Variants in SDK1 observed in about 807,000 individuals in gnomAD.
SDK1 encodes sidekick cell adhesion molecule 1, also known as protein sidekick-1.
A neutral mutation model predicts 245.5 loss-of-function variants in SDK1; 157 were observed. The ratio of observed to expected loss-of-function variants is 0.64; its 90% CI spans 0.56 to 0.73. SDK1 has a LOEUF of 0.73. SDK1 is among the 30% of genes least tolerant of loss of function. The pLI, the probability that SDK1 is intolerant of heterozygous loss-of-function variation, is 0.00. For missense variants in SDK1, 3,583 were observed against 3,002.3 expected, an observed-to-expected ratio of 1.19 and a Z score of -4.52; for synonymous variants, 1,647 against 1,278.5, an observed-to-expected ratio of 1.29 and a Z score of -6.15.
At chr7:3,585,085 C>G (rs1457839052) in intron 1 of SDK1, among the ~76,000 whole-genome samples, 1 of 152,136 alleles carries the variant, frequency 6.6e-6, no homozygotes, top group African/African-American at 2.4e-5. Flanking sequence ...GCCTGTTTCC[C>G]TACATCCTGC....
intron 14 of SDK1, among the ~76,000 whole-genome samples, chr7:4,000,163 G>A (rs1419719257): frequency 6.6e-6 from 1 of 152,236 alleles, no homozygotes; most frequent in East Asian, 1.9e-4. Context: ...CCCAGGCCTG[G>A]ACGTGGAAGT....
At chr7:3,487,073 C>G (rs779007765) in intron 1 of SDK1, among the ~76,000 whole-genome samples, 1 of 152,158 alleles carries the variant, frequency 6.6e-6, no homozygotes, top group South Asian at 2.1e-4. Context: ...TTGTGAAAGT[C>G]GCCTTACACA....
intron 1 of SDK1, among the ~76,000 whole-genome samples, chr7:3,431,358 G>GTT (rs34510123): frequency 0.061 from 7,248 of 118,248 alleles, 429 homozygotes; most frequent in African/African-American, 0.15. Flanking sequence ...AATGTGGGAG[G>GTT]TTTTTTTTTT....
chr7:3,314,081 T>C (rs73288335), intron 1 of SDK1, among the ~76,000 whole-genome samples: 2,962 of 152,268 alleles, frequency 0.019, 99 homozygotes, highest in African/African-American at 0.068. Context: ...AGCGCCAATG[T>C]GCAGATGACC....
chr7:3,376,846 TTTTC>T (rs1781368070), intron 1 of SDK1, among the ~76,000 whole-genome samples: 2 of 152,184 alleles, frequency 1.3e-5, no homozygotes, highest in African/African-American at 2.4e-5. Context: ...TTCCTTTTTC[TTTTC>T]TTTCTTTTTT....
chr7:3,427,951 A>C (rs1371160277), intron 1 of SDK1, among the ~76,000 whole-genome samples: 1 of 152,006 alleles, frequency 6.6e-6, no homozygotes, highest in Non-Finnish European at 1.5e-5. Flanking sequence ...TTCTTCTCTA[A>C]ACGTCGTTTA....
Position 4,077,175 on chromosome 7 carries a change from C to G in SDK1, c.3188C>G (p.Ser1063Cys). 6.2e-7 allele frequency: 1 copy of G among 1,614,140 alleles called. No individual in the cohort carries two copies. Among genetic ancestry groups the G allele is most frequent in the Non-Finnish European group, 8.5e-7 (1 of 1,180,006 alleles). Residue 1063 changes from serine to cysteine, a missense_variant, in exon 21 of 45, where the codon TCT (serine) becomes TGT (cysteine). Ser to Cys is a moderately radical substitution (Grantham distance 112). Transcript: ENST00000404826. ...CTGGTGACTTCATCCACCATTTCTT[C>G]TGGAGTGCCCCCAGGTCAGTAGAAT... ...TGLVTSSTIS[S>C]GVPPDLPGAP...
At chr7:3,508,874 G>C (rs1026320340) in intron 1 of SDK1, among the ~76,000 whole-genome samples, 15 of 152,168 alleles carry the variant, frequency 9.9e-5, no homozygotes, top group African/African-American at 3.6e-4. Flanking sequence ...ATAAATGAAG[G>C]AATGAATGAT....
At chr7:4,232,652 A>G (rs535560602) in intron 40 of SDK1, among the ~76,000 whole-genome samples, 1 of 151,524 alleles carries the variant, frequency 6.6e-6, no homozygotes, top group Non-Finnish European at 1.5e-5. Flanking sequence ...TTGTGCATAT[A>G]TATGTTTCCC....
chr7:3,946,815 C>G (rs1037841464), intron 5 of SDK1, among the ~76,000 whole-genome samples: 12 of 152,266 alleles, frequency 7.9e-5, no homozygotes, highest in African/African-American at 2.4e-4. Context: ...GGGAATGTCT[C>G]TGTGTTTAAA....
At position 3,697,081 on chromosome 7, in the gene SDK1, T is replaced by C. The variant is rs10230759; in HGVS notation, c.713+54976T>C. 7.3e-3 allele frequency among the ~76,000 whole-genome samples: 1,105 copies of C among 152,360 alleles called. 9 individuals are homozygous for C. Among genetic ancestry groups the C allele is most frequent in the African/African-American group, 0.026 (1,066 of 41,578 alleles). On this transcript the variant is annotated intron_variant, in intron 4 of 44. Coordinates refer to ENST00000404826, the MANE Select transcript of SDK1 (RefSeq NM_152744.4). ...AGAATATGAAAGGCATGTTTTATTTTCTAGATTTTCCTTCTCTCGCCATTT... is the reference window on the plus strand; with the variant it reads ...AGAATATGAAAGGCATGTTTTATTTCCTAGATTTTCCTTCTCTCGCCATTT...
At chr7:3,456,419 C>T (rs1188516137) in intron 1 of SDK1, among the ~76,000 whole-genome samples, 1 of 152,174 alleles carries the variant, frequency 6.6e-6, no homozygotes, top group Non-Finnish European at 1.5e-5. Flanking sequence ...TCTGTTTTCT[C>T]TCTGTTGTTG....
intron 19 of SDK1, among the ~76,000 whole-genome samples, chr7:4,053,826 G>C (rs769635922): frequency 3.3e-5 from 5 of 152,142 alleles, no homozygotes; most frequent in Non-Finnish European, 7.4e-5. Flanking sequence ...ATTGATCCCA[G>C]AAGTTCTTCC....
At chr7:3,313,148 C>T (rs937237301) in intron 1 of SDK1, among the ~76,000 whole-genome samples, 2 of 152,170 alleles carry the variant, frequency 1.3e-5, no homozygotes, top group Non-Finnish European at 2.9e-5. Flanking sequence ...GTGGCTCATG[C>T]CTGTAATCCC....
chr7:3,335,188 C>G (rs892508823), intron 1 of SDK1, among the ~76,000 whole-genome samples: 2 of 152,180 alleles, frequency 1.3e-5, no homozygotes, highest in African/African-American at 2.4e-5. Context: ...TAAATCATGT[C>G]TTTCCACTGC....
At chr7:4,022,211 G>C (rs951816141) in intron 17 of SDK1, among the ~76,000 whole-genome samples, 26 of 152,202 alleles carry the variant, frequency 1.7e-4, no homozygotes, top group African/African-American at 6.3e-4. Flanking sequence ...GAAATTATTG[G>C]AATGTCTACA....
At chr7:3,363,924 G>C (rs753905829) in intron 1 of SDK1, among the ~76,000 whole-genome samples, 35 of 152,200 alleles carry the variant, frequency 2.3e-4, no homozygotes, top group Non-Finnish European at 4.0e-4. Context: ...CACCAGAAAT[G>C]TGTGAATGTG....
chr7:3,523,733 A>T (rs1446913191), intron 1 of SDK1, among the ~76,000 whole-genome samples: 1 of 152,184 alleles, frequency 6.6e-6, no homozygotes, highest in African/African-American at 2.4e-5. Context: ...CAGAAATCAG[A>T]ATTAATCGAT....
intron 1 of SDK1, among the ~76,000 whole-genome samples, chr7:3,545,043 G>T (rs1433160103): frequency 1.3e-5 from 2 of 152,178 alleles, no homozygotes; most frequent in African/African-American, 4.8e-5. Context: ...GGGCAGGAGA[G>T]TGTGCTCCTA....
Sources: gnomAD v4.1 joint callset for allele counts (sites outside exome capture counted in the v4.1 genomes callset) on GRCh38, gnomAD v4.1.1 for gene constraint, MANE v1.5 for transcripts, NCBI Gene and HGNC (gene_info 2026-07-23, HGNC 2026-07-21) for gene names.